CCDC60: variants seen among roughly 807,000 people sequenced by gnomAD.
CCDC60 encodes coiled-coil domain-containing protein 60.
In CCDC60, 54 loss-of-function variants were observed where a neutral mutation model predicts 63.5. That is an observed-to-expected ratio of 0.85 (90% confidence interval 0.68 to 1.07). CCDC60 has a LOEUF of 1.07. Ranked by LOEUF, CCDC60 falls within the 50% of genes least tolerant of loss-of-function variation. CCDC60 has a pLI of 0.00. For synonymous variants in CCDC60, 206 were observed against 238.8 expected (o/e 0.86, Z 1.27); for missense variants, 651 against 684.3 (o/e 0.95, Z 0.54).
chr12:119,538,621 A>G (rs774192703), intron 13 of CCDC60, among the ~76,000 whole-genome samples: 1 of 152,140 alleles, frequency 6.6e-6, no homozygotes, highest in Non-Finnish European at 1.5e-5. Context: ...GCTTCCTTGC[A>G]TTGGGTTAGA....
chr12:119,337,786 G>A (rs754127864), intron 1 of CCDC60, among the ~76,000 whole-genome samples: 6 of 151,534 alleles, frequency 4.0e-5, no homozygotes, highest in Admixed American at 1.3e-4. Flanking sequence ...AAAGAAAAGG[G>A]ACAGCTAATT....
intron 13 of CCDC60, among the ~76,000 whole-genome samples, chr12:119,531,393 G>T (rs529545849): frequency 1.3e-5 from 2 of 152,138 alleles, no homozygotes; most frequent in African/African-American, 2.4e-5. Context: ...TGTTAGAAAC[G>T]CAGAATTGCA....
intron 3 of CCDC60, among the ~76,000 whole-genome samples, chr12:119,477,996 T>A (rs1951216135): frequency 6.6e-6 from 1 of 152,020 alleles, no homozygotes; most frequent in Non-Finnish European, 1.5e-5. Flanking sequence ...ATCTGTGGGC[T>A]GAATTTGGCC....
intron 2 of CCDC60, among the ~76,000 whole-genome samples, chr12:119,462,016 C>G (rs1411785846): frequency 6.6e-6 from 1 of 152,190 alleles, no homozygotes; most frequent in Non-Finnish European, 1.5e-5. Context: ...GGCCCAGACC[C>G]TCCCCCTAAC....
In CCDC60 at chr12:119,528,647, G is replaced by A. The variant is rs199921208; in HGVS notation, c.1262G>A (p.Arg421His). 3.2e-5 allele frequency: 52 copies of A among 1,613,902 alleles called. No individual in the cohort carries two copies. The highest frequency in any genetic ancestry group is 2.9e-4 in the East Asian group (13 of 44,860). ...GAAGAGAGAGGTATCCAGAAGTTCC[G>A]TGCTTTTGTCCTTGTCTCAAATTTT... ...RQEERGIQKF[R>H]AFVLVSNFQK... The change falls in exon 12 of 14, where the codon CGT (arginine) becomes CAT (histidine). Residue 421 changes from arginine (R) to histidine (H), a missense_variant. By Grantham distance (29) the Arg-to-His change is conservative (BLOSUM62 0). Coordinates refer to ENST00000327554, the MANE Select transcript of CCDC60 (RefSeq NM_178499.5).
At chr12:119,350,904 C>A (rs1299811076) in intron 1 of CCDC60, among the ~76,000 whole-genome samples, 1 of 152,192 alleles carries the variant, frequency 6.6e-6, no homozygotes, top group Non-Finnish European at 1.5e-5. Flanking sequence ...GTTTCACACA[C>A]CCCTGACATA....
intron 1 of CCDC60, among the ~76,000 whole-genome samples, chr12:119,372,640 G>A (rs1457148411): frequency 6.6e-6 from 1 of 152,064 alleles, no homozygotes; most frequent in East Asian, 1.9e-4. Flanking sequence ...CTCCACCTAC[G>A]AATCCCCACT....
At chr12:119,481,289 T>A (rs540086396) in intron 4 of CCDC60, among the ~76,000 whole-genome samples, 12 of 152,310 alleles carry the variant, frequency 7.9e-5, no homozygotes, top group African/African-American at 2.9e-4. Context: ...CAATTTCTCA[T>A]GATGTCTCTT....
intron 1 of CCDC60, among the ~76,000 whole-genome samples, chr12:119,373,694 G>A (rs927130898): frequency 8.6e-4 from 129 of 149,156 alleles, no homozygotes; most frequent in African/African-American, 3.0e-3. Context: ...TCCCTTATCT[G>A]TAAAATGAGA....
intron 1 of CCDC60, among the ~76,000 whole-genome samples, chr12:119,386,191 T>C (rs551816124): frequency 8.8e-4 from 134 of 152,302 alleles, no homozygotes; most frequent in African/African-American, 2.8e-3. Context: ...GCTCGGCTGT[T>C]GGAAATCACT....
intron 1 of CCDC60, among the ~76,000 whole-genome samples, chr12:119,398,043 C>CAG (rs1555235164): frequency 3.7e-5 from 1 of 26,710 alleles, no homozygotes; most frequent in African/African-American, 2.0e-4. Flanking sequence ...GAAGGGGCAG[C>CAG]GGGGGGGGAG....
chr12:119,540,995 A>C lies in CCDC60; in HGVS notation c.*280A>C. The C allele has an allele frequency of 3.1e-6, 1 of 327,672 alleles. No individual in the cohort carries two copies. The highest frequency in any genetic ancestry group is 5.5e-6 in the Non-Finnish European group (1 of 180,580). 20.3% of individuals were successfully genotyped at this position (327,672 alleles called of 1,614,324 possible). A position where few individuals can be genotyped will look rare whatever the true frequency, so the allele number is the denominator to read the frequency against. On this transcript the variant is annotated 3_prime_UTR_variant, in exon 14 of 14. Transcript: ENST00000327554. ...ACCTACTTCCTCTTCAGATTCCTTC[A>C]CCCTATTTACCTTCCTCAAGTACTG...
At chr12:119,347,745 G>A (rs936108247) in intron 1 of CCDC60, among the ~76,000 whole-genome samples, 1 of 152,062 alleles carries the variant, frequency 6.6e-6, no homozygotes, top group Admixed American at 6.6e-5. Context: ...GTAAACTTGG[G>A]CAAGTTACTC....
rs926234005 is a variant in CCDC60, at chr12:119,420,022, A to G, written c.91-8661A>G. On this transcript the variant is annotated intron_variant, in intron 1 of 13. Coordinates refer to ENST00000327554, the MANE Select transcript of CCDC60 (RefSeq NM_178499.5). This position sits in a 1 kb window ranked among gnomAD's most constrained non-coding sequence, Gnocchi z 4.1. ...CTCCCGAGTAGCTGGGACTACAGGCACCCACCACCACACCTGGGTAATTTT... is the reference window on the plus strand; with the variant it reads ...CTCCCGAGTAGCTGGGACTACAGGCGCCCACCACCACACCTGGGTAATTTT... Among the ~76,000 whole-genome samples, 2 of 151,548 alleles carry G rather than the reference A, an allele frequency of 1.3e-5. No individual in the cohort carries two copies. The highest frequency in any genetic ancestry group is 2.4e-5 in the African/African-American group (1 of 41,214).
intron 1 of CCDC60, among the ~76,000 whole-genome samples, chr12:119,409,945 CT>C (rs1333616807): frequency 6.6e-6 from 1 of 152,078 alleles, no homozygotes; most frequent in Non-Finnish European, 1.5e-5. Flanking sequence ...CAATTCCATC[CT>C]CTTCTCAGAG....
rs538288082 is a variant in CCDC60 at position 119,394,111 on chromosome 12, G to A, written c.91-34572G>A. 3.5e-3 allele frequency among the ~76,000 whole-genome samples: 540 copies of A among 152,236 alleles called. 1 individual carries two copies. The highest frequency in any genetic ancestry group is 5.8e-3 in the Non-Finnish European group (395 of 68,022). On this transcript the variant is annotated intron_variant, in intron 1 of 13. Transcript: ENST00000327554. ...TCCATTTACCAATAGCTTGCTACAT[G>A]CCAGGCATTCTGTGTTCACTAAGTT...
intron 7 of CCDC60, among the ~76,000 whole-genome samples, chr12:119,507,615 T>TATA (rs1555253687): frequency 0.018 from 352 of 19,138 alleles, 25 homozygotes; most frequent in Non-Finnish European, 0.029. Flanking sequence ...TATATATATA[T>TATA]TTTTTTTTTT....
intron 1 of CCDC60, among the ~76,000 whole-genome samples, chr12:119,405,135 C>G (rs750026933): frequency 2.0e-5 from 3 of 152,166 alleles, no homozygotes; most frequent in Non-Finnish European, 4.4e-5. Context: ...CAAACTGCAG[C>G]CTTCTCCTGT....
intron 2 of CCDC60, among the ~76,000 whole-genome samples, chr12:119,442,163 GA>G (rs894765899): frequency 2.6e-5 from 4 of 151,450 alleles, no homozygotes; most frequent in African/African-American, 7.3e-5. Flanking sequence ...ATTTTTTACA[GA>G]AAAAAAACAT....
Sources: allele counts gnomAD v4.1 joint callset (sites outside exome capture counted in the v4.1 genomes callset), GRCh38; gene constraint gnomAD v4.1.1; non-coding constraint Gnocchi (gnomAD v3.1); transcripts MANE v1.5; gene names NCBI Gene and HGNC (gene_info 2026-07-23, HGNC 2026-07-21).